Variants in TMC3 observed in about 807,000 individuals in gnomAD.
TMC3 encodes transmembrane channel-like protein 3.
Under a neutral mutation model 110.6 loss-of-function variants are expected in TMC3, and 98 were observed. The observed-to-expected ratio is 0.89, with a 90% confidence interval of 0.75 to 1.05. The LOEUF (loss-of-function observed/expected upper bound fraction) is 1.05. Ranked by LOEUF, TMC3 falls within the 50% of genes least tolerant of loss-of-function variation. TMC3 has a pLI of 0.00. For synonymous variants in TMC3, 489 were observed against 513.1 expected (o/e 0.95, Z 0.63); for missense variants, 1,319 against 1,373.2 (o/e 0.96, Z 0.62).
chr15:81,345,013 T>G lies in TMC3; in HGVS notation c.1273-2A>C. 1.3e-6 allele frequency: 2 copies of G among 1,563,682 alleles called. No individual in the cohort carries two copies. The highest frequency in any genetic ancestry group is 1.7e-6 in the Non-Finnish European group (2 of 1,153,400). The stretch of plus-strand genomic sequence containing the variant: ...TGTGTTATTTTTGGTAGCCATTTCC[T>G]GGGGAGAGAGAGAGAGAGAGAGAGG... On this transcript the variant is annotated splice_acceptor_variant, in intron 12 of 21. Coordinates refer to ENST00000359440, the MANE Select transcript of TMC3 (RefSeq NM_001080532.3). LOFTEE classifies it high-confidence loss of function.
chr15:81,338,760 T>A lies in TMC3; in HGVS notation c.1976A>T (p.Asp659Val). 2 of 1,613,860 alleles carry A rather than the reference T, an allele frequency of 1.2e-6. No individual in the cohort carries two copies. Among genetic ancestry groups the A allele is most frequent in the South Asian group, 1.1e-5 (1 of 91,068 alleles). The change falls in exon 18 of 22, where the codon GAC (aspartate) becomes GTC (valine). Residue 659 changes from aspartate (D) to valine (V), a missense_variant. Physicochemically the swap from Asp to Val is radical, Grantham distance 152. Coordinates refer to ENST00000359440, the MANE Select transcript of TMC3 (RefSeq NM_001080532.3). Reference sequence around the variant, plus strand: ...TTTCTCAATCGTTTCTGACACAATGTCATAAATTTTCTCTTGTCCACTGTG... The same window carrying A: ...TTTCTCAATCGTTTCTGACACAATGACATAAATTTTCTCTTGTCCACTGTG... ...GPFSGQEKIY[D>V]IVSETIEKDF...
intron 4 of TMC3, among the ~76,000 whole-genome samples, chr15:81,360,471 C>G (rs982527948): frequency 1.3e-5 from 2 of 152,172 alleles, no homozygotes; most frequent in Non-Finnish European, 2.9e-5. Context: ...ACATTTCCAA[C>G]TGTTCACCAG....
chr15:81,332,694 C>T lies in TMC3; in HGVS notation c.3028G>A (p.Val1010Met). ...TTCCGGGATCGTGGCTTTCTGGGCA[C>T]ATAGGCTGGCCTCTCAAGGTGACCC... is the stretch of plus-strand genomic sequence containing the variant. ...FEGHLERPAY[V>M]PRKPRSRNFQ... Residue 1010 changes from valine to methionine, a missense_variant, in exon 22 of 22, where the codon GTG (valine) becomes ATG (methionine). Transcript: ENST00000359440. 6.2e-7 allele frequency: 1 copy of T among 1,613,984 alleles called. No individual in the cohort carries two copies. The highest frequency in any genetic ancestry group is 8.5e-7 in the Non-Finnish European group (1 of 1,179,904).
At chr15:81,370,452 A>T (rs1322215812) in intron 2 of TMC3, among the ~76,000 whole-genome samples, 1 of 152,144 alleles carries the variant, frequency 6.6e-6, no homozygotes, top group Non-Finnish European at 1.5e-5. Context: ...CGCTGGCTGA[A>T]CACATGGCCG....
Position 81,338,690 on chromosome 15 carries a change from G to A in TMC3, c.2046C>T (p.Ser682=). ...GTACTGCGGGCAGGATGACCACGGGGCTACTGATGTGTCCAACCACGGAGC... is the reference window on the plus strand; with the variant it reads ...GTACTGCGGGCAGGATGACCACGGGACTACTGATGTGTCCAACCACGGAGC... ...WFGSVVGHIS[S]PVVILPAVLL... Residue 682 remains serine (S), a synonymous_variant, in exon 18 of 22, where the codon AGC becomes AGT. Coordinates refer to ENST00000359440, the MANE Select transcript of TMC3 (RefSeq NM_001080532.3). The A allele has an allele frequency of 6.2e-7, 1 of 1,614,036 alleles. No individual in the cohort carries two copies. Among genetic ancestry groups the A allele is most frequent in the Non-Finnish European group, 8.5e-7 (1 of 1,179,888 alleles).
At position 81,332,009 on chromosome 15, in the gene TMC3, T is replaced by C. The variant is rs1459562999; in HGVS notation, c.*410A>G. ...GCACTGGATCTCTCAAGTCGCCTGC[T>C]TGGCCCTCTACTAAGTATGTTTTAC... On this transcript the variant is annotated 3_prime_UTR_variant, in exon 22 of 22. Transcript: ENST00000359440. 1.2e-5 allele frequency: 2 copies of C among 162,784 alleles called. No individual in the cohort carries two copies. The highest frequency in any genetic ancestry group is 2.7e-5 in the Non-Finnish European group (2 of 74,832). 10.1% of individuals were successfully genotyped at this position (162,784 alleles called of 1,614,324 possible).
intron 14 of TMC3, 55 bp from the exon 15 acceptor site, chr15:81,343,400 A>G (rs2141698903): frequency 8.2e-7 from 1 of 1,214,912 alleles, no homozygotes; most frequent in South Asian, 1.2e-5. Context: ...CTTTGCATGA[A>G]CCAATTAATT....
intron 2 of TMC3, 131 bp downstream of exon 2, chr15:81,372,460 G>A: frequency 9.1e-7 from 1 of 1,097,664 alleles, no homozygotes; most frequent in Non-Finnish European, 1.3e-6. Context: ...TTGTGACTTT[G>A]CTAATTCAGG....
Position 81,344,021 on chromosome 15 carries a change from CAAT to C in TMC3, c.1540_1542del (p.Ile514del), listed in dbSNP as rs1456023592. On this transcript the variant is annotated inframe_deletion, in exon 14 of 22. Coordinates refer to ENST00000359440, the MANE Select transcript of TMC3 (RefSeq NM_001080532.3). ...ATGCTCGCCACGGTGAAGAGCATGTCAATGATGGAGAGCTTCAGCATCTCCTGA... is the reference window on the plus strand; with the variant it reads ...ATGCTCGCCACGGTGAAGAGCATGTCGATGGAGAGCTTCAGCATCTCCTGA... The C allele has an allele frequency of 3.1e-6, 5 of 1,611,662 alleles. No homozygotes were observed. In the Admixed American group the frequency reaches 5.0e-5, roughly 16 times the overall value.
Position 81,338,930 on chromosome 15 carries a change from G to A in TMC3, c.1956-150C>T. 1.9e-5 allele frequency: 16 copies of A among 842,026 alleles called. No homozygotes were observed. The South Asian group carries it at 2.6e-4, about 14-fold the overall frequency. 52.2% of individuals were successfully genotyped at this position (842,026 alleles called of 1,614,324 possible). ...AATTAATATGGAGGATGGAAGATGGGGTCATTAATCACATTGCATGTATGT... is the reference window on the plus strand; with the variant it reads ...AATTAATATGGAGGATGGAAGATGGAGTCATTAATCACATTGCATGTATGT... On this transcript the variant is annotated intron_variant, in intron 17 of 21. Coordinates refer to ENST00000359440, the MANE Select transcript of TMC3 (RefSeq NM_001080532.3).
At chr15:81,352,565 T>A (rs1227245381) in intron 9 of TMC3, among the ~76,000 whole-genome samples, 1 of 152,268 alleles carries the variant, frequency 6.6e-6, no homozygotes, top group African/African-American at 2.4e-5. Flanking sequence ...CTATATTTTT[T>A]AAATCATTAT....
At position 81,331,181 on chromosome 15, in the gene TMC3, A is replaced by C. The variant is rs1054837049; in HGVS notation, c.*1238T>G. On this transcript the variant is annotated 3_prime_UTR_variant, in exon 22 of 22. Coordinates refer to ENST00000359440, the MANE Select transcript of TMC3 (RefSeq NM_001080532.3). ...TGAGCCCTGGATAAAGAAAGCAGCC[A>C]CCTTTTAAGCAGTCGGTGGCCGGGA... The C allele has an allele frequency of 9.2e-5, 14 of 152,234 alleles. No homozygotes were observed. Among genetic ancestry groups the C allele is most frequent in the African/African-American group, 3.4e-4 (14 of 41,464 alleles). 9.4% of individuals were successfully genotyped at this position (152,234 alleles called of 1,614,324 possible). A position where few individuals can be genotyped will look rare whatever the true frequency, so the allele number is the denominator to read the frequency against.
chr15:81,354,694 A>G (rs28433734), intron 9 of TMC3, among the ~76,000 whole-genome samples: 23,824 of 152,134 alleles, frequency 0.16, 3,561 homozygotes, highest in African/African-American at 0.4. Context: ...AGGGGCACCC[A>G]AGGTATACTA....
At chr15:81,354,433 C>A (rs754534091) in intron 9 of TMC3, among the ~76,000 whole-genome samples, 1 of 152,202 alleles carries the variant, frequency 6.6e-6, no homozygotes, top group Non-Finnish European at 1.5e-5. Context: ...AATAGGAAAG[C>A]ATTTCTTCTA....
At position 81,362,272 on chromosome 15, in the gene TMC3, A is replaced by C. The variant is rs1219293480; in HGVS notation, c.342T>G (p.Cys114Trp). ...AGGGAATGAAGATGACCACAAAGTT[A>C]CAGGCGAGACGAGCAAATTTCCGCC... ...ELWRKFARLA[C>W]NFVVIFIPWE... The change falls in exon 4 of 22, where the codon TGT (cysteine) becomes TGG (tryptophan). Residue 114 changes from cysteine to tryptophan, a missense_variant. Transcript: ENST00000359440. The C allele has an allele frequency of 6.2e-7, 1 of 1,612,746 alleles. No homozygotes were observed.
At chr15:81,344,121 A>C in intron 13 of TMC3, 76 bp from the exon 14 acceptor site, 1 of 1,502,162 alleles carries the variant, frequency 6.7e-7, no homozygotes, top group Non-Finnish European at 9.0e-7. Flanking sequence ...GGTGCTCCTA[A>C]TCTCTGTTCA....
At chr15:81,366,415 A>T (rs1036940249) in intron 3 of TMC3, among the ~76,000 whole-genome samples, 1 of 152,346 alleles carries the variant, frequency 6.6e-6, no homozygotes, top group East Asian at 1.9e-4. Context: ...TGGAGGAGAG[A>T]GGAGCGAGAT....
chr15:81,333,883 G>A lies in TMC3; in HGVS notation c.2460-621C>T, dbSNP rs533984488. ...CAGGTGCCTGTAATCCCAGCTACTC[G>A]GGAGGCTGAGGCAGGAGAATTGCTT... On this transcript the variant is annotated intron_variant, in intron 21 of 21. Transcript: ENST00000359440. Among the ~76,000 whole-genome samples the A allele has an allele frequency of 8.5e-5, 13 of 152,134 alleles. No individual in the cohort carries two copies. The East Asian group carries it at 2.3e-3, about 27-fold the overall frequency.
rs1171917974 is a variant in TMC3 at position 81,332,724 on chromosome 15, A to G, written c.2998T>C (p.Phe1000Leu). The G allele has an allele frequency of 1.2e-6, 2 of 1,613,688 alleles. No homozygotes were observed. Among genetic ancestry groups the G allele is most frequent in the South Asian group, 2.2e-5 (2 of 91,052 alleles). The stretch of plus-strand genomic sequence containing the variant: ...GCTGGCCTCTCAAGGTGACCCTCAA[A>G]ATCTTCATTCCACGACTTGTAGTGC... ...RVHYKSWNED[F>L]EGHLERPAYV... The change falls in exon 22 of 22, where the codon TTT (phenylalanine) becomes CTT (leucine). Residue 1000 changes from phenylalanine to leucine, a missense_variant. Coordinates refer to ENST00000359440, the MANE Select transcript of TMC3 (RefSeq NM_001080532.3).
Sources: allele counts gnomAD v4.1 joint callset (sites outside exome capture counted in the v4.1 genomes callset), GRCh38; gene constraint gnomAD v4.1.1; transcripts MANE v1.5; gene names NCBI Gene and HGNC (gene_info 2026-07-23, HGNC 2026-07-21).